The following CFAP161 variants were observed in gnomAD, a reference collection of about 807,000 sequenced individuals.
CFAP161 encodes the protein cilia and flagella associated protein 161, also known as cilia- and flagella-associated protein 161.
Under a neutral mutation model 29.0 loss-of-function variants are expected in CFAP161, and 25 were observed. The ratio of observed to expected loss-of-function variants is 0.86; its 90% CI spans 0.63 to 1.20. The LOEUF (loss-of-function observed/expected upper bound fraction) is 1.20, where lower values mean the gene tolerates loss of function less well. Ranked by LOEUF, CFAP161 falls within the 50% of genes most tolerant of loss-of-function variation. The pLI is 0.00. For missense variants in CFAP161, 367 were observed against 371.9 expected (o/e 0.99, Z 0.11); for synonymous variants, 116 against 137.4 (o/e 0.84, Z 1.09).
chr15:81,130,020 C>G (rs573173024), upstream of CFAP161, among the ~76,000 whole-genome samples: 1 of 150,972 alleles, frequency 6.6e-6, no homozygotes, highest in African/African-American at 2.4e-5. Flanking sequence ...TTAGCCAGAT[C>G]CTCTGGATAA....
intron 5 of CFAP161, among the ~76,000 whole-genome samples, chr15:81,144,262 G>T (rs146454987): frequency 1.3e-5 from 2 of 152,282 alleles, no homozygotes; most frequent in East Asian, 1.9e-4. Flanking sequence ...TGCTTCCTTC[G>T]CACTGTTTTC....
intron 4 of CFAP161, among the ~76,000 whole-genome samples, chr15:81,139,444 T>C (rs1483609244): frequency 6.6e-6 from 1 of 152,222 alleles, no homozygotes; most frequent in African/African-American, 2.4e-5. Flanking sequence ...AACCAGAGAT[T>C]AGCACCATTA....
chr15:81,144,833 C>T (rs953787469), intron 5 of CFAP161, among the ~76,000 whole-genome samples: 20 of 151,354 alleles, frequency 1.3e-4, no homozygotes, highest in Non-Finnish European at 2.5e-4. Flanking sequence ...CTTGGAGAAG[C>T]CAAGGAGACA....
At chr15:81,104,035 C>T (rs886446187) in intron 1 of CFAP161, among the ~76,000 whole-genome samples, 1 of 152,050 alleles carries the variant, frequency 6.6e-6, no homozygotes, top group African/African-American at 2.4e-5. Flanking sequence ...AATTACTATC[C>T]CCATTTTCCA....
chr15:81,109,439 G>A (rs1225972851), intron 1 of CFAP161, among the ~76,000 whole-genome samples: 3 of 152,200 alleles, frequency 2.0e-5, no homozygotes, highest in Non-Finnish European at 2.9e-5. Context: ...TGGGCACAAT[G>A]GTTTTGGCAC....
chr15:81,137,987 G>A (rs760288013), intron 3 of CFAP161, 64 bp from the exon 4 acceptor site: 6 of 1,222,802 alleles, frequency 4.9e-6, no homozygotes, highest in Admixed American at 2.2e-5. Flanking sequence ...ATAAAAAATA[G>A]AGTCATAGAA....
At chr15:81,113,712 C>T (rs1894463844) in intron 1 of CFAP161, among the ~76,000 whole-genome samples, 1 of 152,162 alleles carries the variant, frequency 6.6e-6, no homozygotes, top group African/African-American at 2.4e-5. Flanking sequence ...TGCCACCTTC[C>T]CAGCACCTCG....
At chr15:81,111,167 A>G (rs1451688297) in intron 1 of CFAP161, among the ~76,000 whole-genome samples, 7 of 152,192 alleles carry the variant, frequency 4.6e-5, no homozygotes. Context: ...CCCTTCGGCA[A>G]CACACCTTAC....
At chr15:81,101,872 C>T (rs1894308161) in intron 1 of CFAP161, among the ~76,000 whole-genome samples, 1 of 152,100 alleles carries the variant, frequency 6.6e-6, no homozygotes, top group Non-Finnish European at 1.5e-5. Context: ...AACTCAGAAT[C>T]AGGATGGTTG....
At position 81,125,355 on chromosome 15, in the gene CFAP161, C is replaced by T. The variant is rs562699232; in HGVS notation, c.-141-2235C>T. On this transcript the variant is annotated intron_variant, in intron 1 of 4. Transcript: ENST00000560091. Reference sequence around the variant, plus strand: ...ATTCAGCAAAATGTATCAGAAGATACATCTGTTTTCATTAAACTGACAATA... The same window carrying T: ...ATTCAGCAAAATGTATCAGAAGATATATCTGTTTTCATTAAACTGACAATA... Among the ~76,000 whole-genome samples the T allele has an allele frequency of 4.6e-5, 7 of 152,188 alleles. No individual in the cohort carries two copies. In the South Asian group the frequency reaches 1.2e-3, roughly 27 times the overall value.
chr15:81,133,221 A>ATATATATATATG (rs1555449897), upstream of CFAP161, among the ~76,000 whole-genome samples: 13 of 32,488 alleles, frequency 4.0e-4, no homozygotes, highest in East Asian at 1.9e-3. Flanking sequence ...ATATATATAT[A>ATATATATATATG]TATGTATTTT....
At chr15:81,123,323 G>T (rs1443769001) in intron 1 of CFAP161, among the ~76,000 whole-genome samples, 1 of 152,134 alleles carries the variant, frequency 6.6e-6, no homozygotes, top group East Asian at 1.9e-4. Flanking sequence ...GTTTTTGTCA[G>T]GTTTGTTGAA....
upstream of CFAP161, among the ~76,000 whole-genome samples, chr15:81,133,236 TA>T (rs1567156520): frequency 1.5e-5 from 2 of 132,636 alleles, no homozygotes; most frequent in Non-Finnish European, 3.2e-5. Flanking sequence ...TATTTTTTTT[TA>T]AATTGGAGAT....
chr15:81,139,897 A>G (rs1325722203), intron 4 of CFAP161, among the ~76,000 whole-genome samples: 1 of 152,232 alleles, frequency 6.6e-6, no homozygotes, highest in Non-Finnish European at 1.5e-5. Context: ...TGCTTCATTA[A>G]TTGTATTAAA....
intron 4 of CFAP161, among the ~76,000 whole-genome samples, chr15:81,140,096 T>G (rs1238837622): frequency 6.6e-6 from 1 of 152,150 alleles, no homozygotes; most frequent in East Asian, 1.9e-4. Context: ...ATCATCCGTT[T>G]TTTGCCTTTG....
At chr15:81,147,352 T>C (rs1895026429) in intron 5 of CFAP161, among the ~76,000 whole-genome samples, 1 of 152,130 alleles carries the variant, frequency 6.6e-6, no homozygotes, top group Non-Finnish European at 1.5e-5. Context: ...GGAAAAAGCA[T>C]GGACCACCGA....
intron 2 of CFAP161, among the ~76,000 whole-genome samples, chr15:81,128,400 G>T (rs1894668179): frequency 6.6e-6 from 1 of 152,184 alleles, no homozygotes; most frequent in Non-Finnish European, 1.5e-5. Flanking sequence ...TTTCAGCAGT[G>T]TTATAGTATC....
At position 81,123,320 on chromosome 15, in the gene CFAP161, T is replaced by A. The variant is rs138711402; in HGVS notation, c.-141-4270T>A. 1.6e-3 allele frequency among the ~76,000 whole-genome samples: 240 copies of A among 152,328 alleles called. 4 individuals are homozygous for A. The highest frequency in any genetic ancestry group is 5.5e-3 in the African/African-American group (227 of 41,570). The stretch of plus-strand genomic sequence containing the variant: ...GGGCATCCCCCATTGCTTGTTTTTG[T>A]CAGGTTTGTTGAAGATCAGATAGTT... On this transcript the variant is annotated intron_variant, in intron 1 of 4. Transcript: ENST00000560091.
chr15:81,103,569 T>C (rs1894327729), intron 1 of CFAP161, among the ~76,000 whole-genome samples: 1 of 152,180 alleles, frequency 6.6e-6, no homozygotes, highest in African/African-American at 2.4e-5. Flanking sequence ...GAGGGTGGTG[T>C]GCCCAGGAAG....
Sources: allele counts gnomAD v4.1 joint callset (sites outside exome capture counted in the v4.1 genomes callset), GRCh38; gene constraint gnomAD v4.1.1; transcripts MANE v1.5; gene names NCBI Gene and HGNC (gene_info 2026-07-23, HGNC 2026-07-21).